MMS22L: variants seen among roughly 807,000 people sequenced by gnomAD.
MMS22L encodes MMS22 like, DNA repair protein, also known as protein MMS22-like.
Under a neutral mutation model 159.1 loss-of-function variants are expected in MMS22L, and 74 were observed. That is an observed-to-expected ratio of 0.47 (90% CI 0.39 to 0.56). The LOEUF (loss-of-function observed/expected upper bound fraction) is 0.56, where lower values mean the gene tolerates loss of function less well. Among genes scored for constraint, MMS22L ranks in the 20% least tolerant of loss-of-function variants. The pLI is 0.00. For synonymous variants in MMS22L, 517 were observed against 506.9 expected, an observed-to-expected ratio of 1.02 and a Z score of -0.27; for missense variants, 1,351 against 1,422.1, an observed-to-expected ratio of 0.95 and a Z score of 0.80.
intron 22 of MMS22L, among the ~76,000 whole-genome samples, chr6:97,158,300 TTG>T (rs1280815268): frequency 6.6e-6 from 1 of 152,178 alleles, no homozygotes; most frequent in Non-Finnish European, 1.5e-5. Context: ...GAAGGTTTTT[TTG>T]TGTCTCTATC....
chr6:97,260,857 T>G (rs1814390496), intron 9 of MMS22L: 1 of 151,830 alleles, frequency 6.6e-6, no homozygotes, highest in Non-Finnish European at 1.5e-5. Flanking sequence ...TCTTTCTTCT[T>G]TTTTTTTGGT....
intron 4 of MMS22L, among the ~76,000 whole-genome samples, chr6:97,276,846 C>A (rs898182331): frequency 2.6e-5 from 4 of 152,178 alleles, no homozygotes; most frequent in Admixed American, 2.0e-4. Flanking sequence ...TATCACCGTA[C>A]CTTTTCATTT....
chr6:97,277,320 G>A (rs1292710177), intron 4 of MMS22L, among the ~76,000 whole-genome samples: 1 of 152,240 alleles, frequency 6.6e-6, no homozygotes, highest in East Asian at 1.9e-4. Flanking sequence ...GGCTGAGGCA[G>A]GAGAATTGCT....
At chr6:97,240,404 T>G (rs1811926478) in intron 11 of MMS22L, among the ~76,000 whole-genome samples, 1 of 152,214 alleles carries the variant, frequency 6.6e-6, no homozygotes, top group African/African-American at 2.4e-5. Flanking sequence ...CTAGGGTGAC[T>G]AACTCATCCT....
chr6:97,254,820 A>G, intron 9 of MMS22L, 87 bp from the exon 10 acceptor site: 4 of 1,075,956 alleles, frequency 3.7e-6, no homozygotes, highest in Non-Finnish European at 5.2e-6. Flanking sequence ...ATAATGAAGC[A>G]TATATACAAA....
chr6:97,149,944 G>C lies in MMS22L; in HGVS notation c.3559C>G (p.Gln1187Glu), dbSNP rs1801158668. 1.9e-6 allele frequency: 3 copies of C among 1,613,392 alleles called. No individual in the cohort carries two copies. The highest frequency in any genetic ancestry group is 1.7e-6 in the Non-Finnish European group (2 of 1,179,690). Residue 1187 changes from glutamine (Q) to glutamate (E), a missense_variant, in exon 24 of 25, where the codon CAG becomes GAG. Transcript: ENST00000683635. ...SILETVATLDQQVVIHLISTL... is the reference protein window; with the variant it reads ...SILETVATLDEQVVIHLISTL... ...GAAATCAAGTGGATGACAACCTGCT[G>C]GTCCAATGTTGCTACTGTTTCTAAA...
intron 22 of MMS22L, 102 bp downstream of exon 22, chr6:97,161,900 A>G (rs1045240257): frequency 2.1e-5 from 23 of 1,112,144 alleles, no homozygotes; most frequent in Non-Finnish European, 2.9e-5. Flanking sequence ...GAGATATAAA[A>G]GAATCACATA....
At chr6:97,243,748 T>A (rs1812330465) in intron 11 of MMS22L, among the ~76,000 whole-genome samples, 1 of 152,162 alleles carries the variant, frequency 6.6e-6, no homozygotes, top group East Asian at 1.9e-4. Flanking sequence ...CAAGGACTAA[T>A]GTTCTTTTGT....
chr6:97,173,690 G>A (rs1803799071), intron 18 of MMS22L, among the ~76,000 whole-genome samples: 1 of 151,946 alleles, frequency 6.6e-6, no homozygotes, highest in South Asian at 2.1e-4. Flanking sequence ...TTTATTATAT[G>A]AATTCACTTT....
intron 14 of MMS22L, among the ~76,000 whole-genome samples, chr6:97,196,822 G>A (rs1806570510): frequency 6.7e-6 from 1 of 150,082 alleles, no homozygotes; most frequent in Admixed American, 6.7e-5. Context: ...GCACATATAC[G>A]AATCTATATT....
At chr6:97,170,303 T>C (rs1803399279) in intron 19 of MMS22L, among the ~76,000 whole-genome samples, 1 of 152,236 alleles carries the variant, frequency 6.6e-6, no homozygotes, top group South Asian at 2.1e-4. Flanking sequence ...GGTGGAGATA[T>C]TTGTTTTACT....
rs1800714805 is a variant in MMS22L at position 97,143,098 on chromosome 6, A to G, written c.*3708T>C. On this transcript the variant is annotated 3_prime_UTR_variant, in exon 25 of 25. Coordinates refer to ENST00000683635, the MANE Select transcript of MMS22L (RefSeq NM_001350599.2). ...CTAATTAAATTGAAATTTAAATCAT[A>G]ACCAAATCCAAATGCCTAATAAAGT... 6.6e-6 allele frequency: 1 copy of G among 152,574 alleles called. No homozygotes were observed. The highest frequency in any genetic ancestry group is 2.1e-4 in the South Asian group (1 of 4,826). 9.5% of individuals were successfully genotyped at this position (152,574 alleles called of 1,614,324 possible).
chr6:97,170,312 C>T (rs1269590020), intron 19 of MMS22L, among the ~76,000 whole-genome samples: 1 of 152,014 alleles, frequency 6.6e-6, no homozygotes, highest in Admixed American at 6.6e-5. Flanking sequence ...ATTTGTTTTA[C>T]TCCTTGCTAT....
At chr6:97,163,184 A>G (rs17057472) in intron 21 of MMS22L, among the ~76,000 whole-genome samples, 2,130 of 152,170 alleles carry the variant, frequency 0.014, 54 homozygotes, top group African/African-American at 0.049. Context: ...AATGCCAGGT[A>G]CATGTCTAAG....
chr6:97,239,753 G>GT (rs1811852584), intron 11 of MMS22L, among the ~76,000 whole-genome samples: 1 of 152,042 alleles, frequency 6.6e-6, no homozygotes, highest in African/African-American at 2.4e-5. Context: ...TCTATAAAAT[G>GT]AAGATATTAG....
intron 10 of MMS22L, 157 bp downstream of exon 10, chr6:97,254,400 A>G: frequency 3.1e-6 from 2 of 641,430 alleles, no homozygotes. Flanking sequence ...AAACTTTATA[A>G]TTTTTCAAGA....
Position 97,200,603 on chromosome 6 carries a change from C to T in MMS22L, c.2040-13913G>A, listed in dbSNP as rs535290348. 1.8e-3 allele frequency among the ~76,000 whole-genome samples: 275 copies of T among 151,982 alleles called. 2 individuals carry two copies. Among genetic ancestry groups the T allele is most frequent in the African/African-American group, 6.4e-3 (265 of 41,444 alleles). On this transcript the variant is annotated intron_variant, in intron 14 of 24. Coordinates refer to ENST00000683635, the MANE Select transcript of MMS22L (RefSeq NM_001350599.2). ...AACATTTATCTGCACATCAAAAAAG[C>T]TCATCTCCTGATGAAAAAAAAATCC...
chr6:97,215,027 C>T (rs1808835650), intron 14 of MMS22L, among the ~76,000 whole-genome samples: 1 of 149,814 alleles, frequency 6.7e-6, no homozygotes, highest in Non-Finnish European at 1.5e-5. Context: ...CCTTGGTTCA[C>T]TAGAAAATTC....
chr6:97,258,685 T>C (rs1814097302), intron 9 of MMS22L: 1 of 152,190 alleles, frequency 6.6e-6, no homozygotes, highest in Non-Finnish European at 1.5e-5. Context: ...TATTTATTAA[T>C]TTGTCCAGTC....
Sources: allele counts gnomAD v4.1 joint callset (sites outside exome capture counted in the v4.1 genomes callset), GRCh38; gene constraint gnomAD v4.1.1; transcripts MANE v1.5; gene names NCBI Gene and HGNC (gene_info 2026-07-23, HGNC 2026-07-21).